The following ANXA4 variants were observed in gnomAD, a reference collection of about 807,000 sequenced individuals.
ANXA4 encodes annexin A4, also known as 35-beta calcimedin.
In ANXA4, 39 loss-of-function variants were observed where a neutral mutation model predicts 49.8. That is an observed-to-expected ratio of 0.78 (90% CI 0.61 to 1.02). The LOEUF is 1.02. Ranked by LOEUF, ANXA4 falls within the 50% of genes least tolerant of loss-of-function variation. The probability of loss-of-function intolerance (pLI) is 0.00; values close to 1 mark genes in which losing one functional copy is unlikely to be tolerated. For missense variants in ANXA4, 360 were observed against 410.1 expected, an observed-to-expected ratio of 0.88 and a Z score of 1.05; for synonymous variants, 134 against 152.5, an observed-to-expected ratio of 0.88 and a Z score of 0.89.
rs1674489858 is a variant in ANXA4 at position 69,826,799 on chromosome 2, A to T, written c.*1284A>T. 6.7e-6 allele frequency: 1 copy of T among 150,288 alleles called. No homozygotes were observed. The highest frequency in any genetic ancestry group is 2.5e-5 in the African/African-American group (1 of 40,618). The allele number at this position is 150,288 out of a possible 1,614,324, so 9.3% of individuals were successfully genotyped here. On this transcript the variant is annotated 3_prime_UTR_variant, in exon 13 of 13. Transcript: ENST00000394295. ...TCCATCTAAAAAAAAAAAAAAAAAAAGTGTCTTTAAAGTGAGGTATAGTCT... is the reference window on the plus strand; with the variant it reads ...TCCATCTAAAAAAAAAAAAAAAAAATGTGTCTTTAAAGTGAGGTATAGTCT...
chr2:69,812,053 A>G (rs1370927116), intron 7 of ANXA4, among the ~76,000 whole-genome samples: 1 of 150,338 alleles, frequency 6.7e-6, no homozygotes, highest in South Asian at 2.1e-4. Flanking sequence ...GGACATTTTT[A>G]TGGGATCCTC....
intron 9 of ANXA4, chr2:69,818,131 T>C (rs558358297): frequency 5.9e-4 from 85 of 143,346 alleles, no homozygotes; most frequent in Non-Finnish European, 1.0e-3. Context: ...CAACAACAAA[T>C]GTAATTATGT....
At chr2:69,758,824 T>G (rs781670793) in intron 1 of ANXA4, among the ~76,000 whole-genome samples, 3 of 152,040 alleles carry the variant, frequency 2.0e-5, no homozygotes, top group Non-Finnish European at 4.4e-5. Context: ...GAAGTAAGTA[T>G]CTACAAGGCT....
At chr2:69,718,873 C>T (rs935770318) in intron 2 of ANXA4, among the ~76,000 whole-genome samples, 13 of 152,106 alleles carry the variant, frequency 8.5e-5, no homozygotes, top group South Asian at 2.1e-4. Context: ...TGTGTGCATA[C>T]GCACATGCAT....
In ANXA4 at chr2:69,806,517, G is replaced by C; in HGVS notation, c.306+19G>C. 3 of 1,592,126 alleles carry C rather than the reference G, an allele frequency of 1.9e-6. No individual in the cohort carries two copies. Among genetic ancestry groups the C allele is most frequent in the Non-Finnish European group, 1.7e-6 (2 of 1,160,362 alleles). On this transcript the variant is annotated intron_variant, in intron 5 of 12. Coordinates refer to ENST00000394295, the MANE Select transcript of ANXA4 (RefSeq NM_001153.5). The stretch of plus-strand genomic sequence containing the variant: ...CATGAAGGTCTGTGCTCTTCCTCTC[G>C]TGCTCTTGGTGCTGTTGGTGCAAAC...
intron 12 of ANXA4, 132 bp from the exon 13 acceptor site, chr2:69,825,323 TA>T: frequency 1.4e-6 from 1 of 697,200 alleles, no homozygotes; most frequent in Non-Finnish European, 2.5e-6. Context: ...ATTACCTTCG[TA>T]ATAAAAAATA....
chr2:69,684,101 C>T (rs1006113714), intron 2 of ANXA4, among the ~76,000 whole-genome samples: 3 of 152,090 alleles, frequency 2.0e-5, no homozygotes, highest in Non-Finnish European at 4.4e-5. Context: ...GATTTGCGAG[C>T]TCAGAAGTAT....
In ANXA4 at chr2:69,710,112, C is replaced by T. The variant is rs375489504; in HGVS notation, n.767-10662C>T. 5.3e-5 allele frequency among the ~76,000 whole-genome samples: 8 copies of T among 151,654 alleles called. No individual in the cohort carries two copies. In the South Asian group the frequency reaches 6.2e-4, roughly 12 times the overall value. ...AAGCGATTCTCCTGCCTCAGCCTCC[C>T]GAGTAGCTGGGATTACAGGCATGTG... On this transcript the variant is annotated intron_variant and non_coding_transcript_variant, in intron 2 of 3. Coordinates refer to the ANXA4 transcript ENST00000418066.
chr2:69,788,192 G>C, intron 3 of ANXA4, 51 bp downstream of exon 3: 3 of 1,518,346 alleles, frequency 2.0e-6, no homozygotes, highest in Non-Finnish European at 2.7e-6. Flanking sequence ...CACATCACAG[G>C]GTCACACAGG....
intron 2 of ANXA4, among the ~76,000 whole-genome samples, chr2:69,667,353 A>C (rs1393621830): frequency 6.6e-6 from 1 of 152,156 alleles, no homozygotes; most frequent in Non-Finnish European, 1.5e-5. Context: ...TGAAAAAAAG[A>C]AAGAGATCCT....
At chr2:69,727,061 A>G (rs1669979727) in intron 3 of ANXA4, among the ~76,000 whole-genome samples, 2 of 151,962 alleles carry the variant, frequency 1.3e-5, no homozygotes, top group South Asian at 4.2e-4. Flanking sequence ...TTTTTTAGAC[A>G]CTGGCTCTCC....
intron 2 of ANXA4, among the ~76,000 whole-genome samples, chr2:69,656,288 CATAT>C (rs1205278952): frequency 1.1e-5 from 1 of 89,532 alleles, no homozygotes; most frequent in African/African-American, 4.5e-5. Flanking sequence ...TATATATATA[CATAT>C]ATGTATATAT....
chr2:69,751,337 C>G (rs1179548685), intron 1 of ANXA4, among the ~76,000 whole-genome samples: 1 of 151,896 alleles, frequency 6.6e-6, no homozygotes, highest in Non-Finnish European at 1.5e-5. Context: ...GAAACCCTTT[C>G]TCTACCAAAG....
chr2:69,749,122 G>A (rs942754807), intron 1 of ANXA4, among the ~76,000 whole-genome samples: 11 of 152,154 alleles, frequency 7.2e-5, no homozygotes, highest in Admixed American at 5.9e-4. Flanking sequence ...ACAATGGCCC[G>A]GGACAGAGCC....
intron 2 of ANXA4, among the ~76,000 whole-genome samples, chr2:69,656,266 T>C (rs1026514138): frequency 3.6e-4 from 48 of 134,996 alleles, no homozygotes; most frequent in South Asian, 1.5e-3. Flanking sequence ...TACGTATATA[T>C]ATGTATATAC....
intron 1 of ANXA4, among the ~76,000 whole-genome samples, chr2:69,766,484 A>G (rs2105541959): frequency 6.6e-6 from 1 of 152,340 alleles, no homozygotes; most frequent in East Asian, 1.9e-4. Context: ...CCAGTTAGAA[A>G]GTACCTTTAG....
chr2:69,781,219 C>T, intron 1 of ANXA4: 1 of 374,650 alleles, frequency 2.7e-6, no homozygotes, highest in Non-Finnish European at 4.9e-6. Context: ...CTGTGTCCAG[C>T]TTGAGTACAA....
At chr2:69,774,158 G>GC (rs1671865167) in intron 1 of ANXA4, among the ~76,000 whole-genome samples, 1 of 151,862 alleles carries the variant, frequency 6.6e-6, no homozygotes. Context: ...TTTCCACCCT[G>GC]CTAAGACTAG....
chr2:69,805,946 C>T (rs1673426310), intron 4 of ANXA4, among the ~76,000 whole-genome samples: 1 of 151,680 alleles, frequency 6.6e-6, no homozygotes, highest in Non-Finnish European at 1.5e-5. Context: ...GCTATATATC[C>T]CAAAACGAAA....
Sources: gnomAD v4.1 joint callset for allele counts (sites outside exome capture counted in the v4.1 genomes callset) on GRCh38, gnomAD v4.1.1 for gene constraint, MANE v1.5 for transcripts, NCBI Gene and HGNC (gene_info 2026-07-23, HGNC 2026-07-21) for gene names.